DTL: variants seen among roughly 807,000 people sequenced by gnomAD.
DTL encodes the protein denticleless protein homolog.
In DTL, 46 loss-of-function variants were observed where a neutral mutation model predicts 87.0. That is an observed-to-expected ratio of 0.53 (90% confidence interval 0.42 to 0.68). The LOEUF is 0.68. DTL is among the 30% of genes least tolerant of loss of function. The probability of loss-of-function intolerance (pLI) is 0.00; values close to 1 mark genes in which losing one functional copy is unlikely to be tolerated. For synonymous variants in DTL, 308 were observed against 311.2 expected (o/e 0.99, Z 0.11); for missense variants, 737 against 869.4 (o/e 0.85, Z 1.91).
chr1:212,088,479 G>A (rs903463345), intron 13 of DTL, among the ~76,000 whole-genome samples: 3 of 152,200 alleles, frequency 2.0e-5, no homozygotes, highest in African/African-American at 7.2e-5. Flanking sequence ...ATAGCACACA[G>A]CCATTAGCTG....
At chr1:212,089,970 T>A (rs1655236787) in intron 13 of DTL, among the ~76,000 whole-genome samples, 1 of 152,176 alleles carries the variant, frequency 6.6e-6, no homozygotes, top group South Asian at 2.1e-4. Context: ...AACAGATGAC[T>A]GTGGCAGCTG....
At chr1:212,095,806 G>A (rs1655429411) in intron 13 of DTL, among the ~76,000 whole-genome samples, 1 of 152,098 alleles carries the variant, frequency 6.6e-6, no homozygotes, top group South Asian at 2.1e-4. Flanking sequence ...TTGCATCTAT[G>A]TTCATCAGGG....
chr1:212,054,756 C>T (rs113263471), intron 5 of DTL, among the ~76,000 whole-genome samples: 394 of 142,074 alleles, frequency 2.8e-3, no homozygotes, highest in African/African-American at 0.01. Context: ...AATCGTGCCA[C>T]TGCACTCCAG....
chr1:212,080,765 T>C lies in DTL; in HGVS notation c.1261+15T>C. ...ACCTGGCCTAGGTAAGGATATCATA[T>C]ACTTTCCAAGTTTTTTATGGTTTGA... On this transcript the variant is annotated intron_variant, in intron 13 of 14. Coordinates refer to ENST00000366991, the MANE Select transcript of DTL (RefSeq NM_016448.4). 1 of 1,611,930 alleles carries C rather than the reference T, an allele frequency of 6.2e-7. No individual in the cohort carries two copies.
intron 5 of DTL, among the ~76,000 whole-genome samples, chr1:212,061,654 G>T (rs894041237): frequency 6.6e-6 from 1 of 152,076 alleles, no homozygotes; most frequent in Admixed American, 6.5e-5. Flanking sequence ...GTCTATTAAC[G>T]AACAAATAGA....
At chr1:212,036,565 G>T (rs192844233) in intron 1 of DTL, among the ~76,000 whole-genome samples, 47 of 152,338 alleles carry the variant, frequency 3.1e-4, no homozygotes, top group African/African-American at 8.9e-4. Context: ...TGTTTTCGAC[G>T]CTAGAGGTAA....
At chr1:212,086,348 T>A (rs1351736150) in intron 13 of DTL, among the ~76,000 whole-genome samples, 3 of 152,128 alleles carry the variant, frequency 2.0e-5, no homozygotes, top group South Asian at 2.1e-4. Flanking sequence ...ATACTGATTT[T>A]AAAAAAAAGT....
chr1:212,056,190 A>G (rs1668171008), intron 5 of DTL, among the ~76,000 whole-genome samples: 1 of 152,194 alleles, frequency 6.6e-6, no homozygotes, highest in African/African-American at 2.4e-5. Flanking sequence ...CTGAAGGCCC[A>G]AGAATCTACC....
At chr1:212,040,111 GAC>G (rs1667590993) in intron 1 of DTL, among the ~76,000 whole-genome samples, 1 of 152,162 alleles carries the variant, frequency 6.6e-6, no homozygotes, top group Non-Finnish European at 1.5e-5. Context: ...ATAAAGCACA[GAC>G]ACATTGTATA....
At chr1:212,038,013 C>A (rs557215048) in intron 1 of DTL, among the ~76,000 whole-genome samples, 27 of 152,336 alleles carry the variant, frequency 1.8e-4, no homozygotes, top group African/African-American at 5.5e-4. Flanking sequence ...CCTATCCTGG[C>A]AGCTCATGGT....
intron 7 of DTL, 39 bp downstream of exon 7, chr1:212,065,068 T>C (rs773292910): frequency 4.9e-6 from 7 of 1,416,268 alleles, no homozygotes; most frequent in Admixed American, 3.4e-5. Context: ...GCAGATCTTA[T>C]CTGTAGGATA....
chr1:212,052,056 A>G lies in DTL; in HGVS notation c.460+4639A>G, dbSNP rs1304380723. ...GGTTCCGGCCGAAAAGAAGCTGGATATGAAATTCTGGGTCAACAGCTTTTT... is the reference window on the plus strand; with the variant it reads ...GGTTCCGGCCGAAAAGAAGCTGGATGTGAAATTCTGGGTCAACAGCTTTTT... On this transcript the variant is annotated intron_variant, in intron 5 of 14. Coordinates refer to ENST00000366991, the MANE Select transcript of DTL (RefSeq NM_016448.4). 1.6e-5 allele frequency: 16 copies of G among 993,300 alleles called. No individual in the cohort carries two copies. The Admixed American group carries it at 2.2e-4, about 14-fold the overall frequency. 61.5% of individuals were successfully genotyped at this position (993,300 alleles called of 1,614,324 possible). A position where few individuals can be genotyped will look rare whatever the true frequency, so the allele number is the denominator to read the frequency against.
chr1:212,085,185 A>G (rs955730737), intron 13 of DTL, among the ~76,000 whole-genome samples: 1 of 152,216 alleles, frequency 6.6e-6, no homozygotes, highest in Non-Finnish European at 1.5e-5. Context: ...CAGTATACAG[A>G]ACTCAAGATA....
Position 212,100,275 on chromosome 1 carries a change from A to T in DTL, c.1285A>T (p.Thr429Ser). The T allele has an allele frequency of 1.3e-6, 2 of 1,579,942 alleles. No homozygotes were observed. Among genetic ancestry groups the T allele is most frequent in the Non-Finnish European group, 1.7e-6 (2 of 1,165,624 alleles). Reference protein sequence around the residue: ...GLVTVTSSQSTPAKAPRAKCN... With the variant: ...GLVTVTSSQSSPAKAPRAKCN... The stretch of plus-strand genomic sequence containing the variant: ...AGTAACAGTAACGAGTAGCCAGAGT[A>T]CTCCTGCCAAAGCCCCCAGGGCAAA... Residue 429 changes from threonine to serine, a missense_variant, in exon 14 of 15, where the codon ACT (threonine) becomes TCT (serine). Coordinates refer to ENST00000366991, the MANE Select transcript of DTL (RefSeq NM_016448.4).
At chr1:212,082,802 G>C in intron 13 of DTL, among the ~76,000 whole-genome samples, 1 of 152,294 alleles carries the variant, frequency 6.6e-6, no homozygotes, top group African/African-American at 2.4e-5. Flanking sequence ...GTCACTGAGA[G>C]AATAGAGGAA....
chr1:212,063,837 T>G (rs1280847239), intron 6 of DTL, among the ~76,000 whole-genome samples: 1 of 152,046 alleles, frequency 6.6e-6, no homozygotes, highest in Non-Finnish European at 1.5e-5. Flanking sequence ...CCTCAAACAT[T>G]TATCTTTTCT....
At chr1:212,056,543 A>G (rs1468417922) in intron 5 of DTL, among the ~76,000 whole-genome samples, 1 of 152,210 alleles carries the variant, frequency 6.6e-6, no homozygotes, top group African/African-American at 2.4e-5. Context: ...CAACTGTTAC[A>G]CCAGGTGCAC....
At chr1:212,044,815 A>C in intron 3 of DTL, 57 bp downstream of exon 3, 1 of 992,794 alleles carries the variant, frequency 1.0e-6, no homozygotes, top group Non-Finnish European at 1.6e-6. Context: ...CACATCCTCA[A>C]GTATATTATT....
chr1:212,042,182 C>T (rs1667673609), intron 1 of DTL, among the ~76,000 whole-genome samples: 1 of 151,740 alleles, frequency 6.6e-6, no homozygotes, highest in African/African-American at 2.4e-5. Flanking sequence ...TTTAAAATGT[C>T]TTGATCACAA....
Sources: allele counts gnomAD v4.1 joint callset (sites outside exome capture counted in the v4.1 genomes callset), GRCh38; gene constraint gnomAD v4.1.1; transcripts MANE v1.5; gene names NCBI Gene and HGNC (gene_info 2026-07-23, HGNC 2026-07-21).